CSMD1: variants seen among roughly 807,000 people sequenced by gnomAD.
CSMD1 encodes CUB and sushi domain-containing protein 1.
A neutral mutation model predicts 417.5 loss-of-function variants in CSMD1; 213 were observed. The observed-to-expected ratio is 0.51, with a 90% CI of 0.46 to 0.57. CSMD1 has a LOEUF of 0.57. Among genes scored for constraint, CSMD1 ranks in the 20% least tolerant of loss-of-function variants. CSMD1 has a pLI of 0.00. For synonymous variants in CSMD1, 2,862 were observed against 1,736.8 expected, an observed-to-expected ratio of 1.65 and a Z score of -16.11; for missense variants, 6,923 against 4,529.7, an observed-to-expected ratio of 1.53 and a Z score of -15.17.
At chr8:3,465,427 G>C (rs1268604699) in intron 12 of CSMD1, among the ~76,000 whole-genome samples, 1 of 152,140 alleles carries the variant, frequency 6.6e-6, no homozygotes, top group African/African-American at 2.4e-5. Flanking sequence ...GAGGCCACAG[G>C]TGGGTAGAGT....
chr8:4,073,377 T>C (rs1401090239), intron 3 of CSMD1, among the ~76,000 whole-genome samples: 1 of 152,132 alleles, frequency 6.6e-6, no homozygotes, highest in Admixed American at 6.6e-5. Context: ...TCGTACTTAA[T>C]GAAGCTAAAA....
intron 1 of CSMD1, among the ~76,000 whole-genome samples, chr8:4,900,475 C>T (rs1327825480): frequency 6.6e-6 from 1 of 152,190 alleles, no homozygotes; most frequent in Non-Finnish European, 1.5e-5. Flanking sequence ...TCCTACCCTT[C>T]CCCTTCACCC....
At chr8:3,029,898 G>A (rs1810227393) in intron 50 of CSMD1, among the ~76,000 whole-genome samples, 1 of 152,018 alleles carries the variant, frequency 6.6e-6, no homozygotes, top group Admixed American at 6.6e-5. Flanking sequence ...AATAGTAATT[G>A]TGTAATTGCA....
chr8:4,286,711 T>C lies in CSMD1; in HGVS notation c.415+133242A>G, dbSNP rs73500656. Among the ~76,000 whole-genome samples the C allele has an allele frequency of 2.5e-3, 374 of 152,330 alleles. 2 individuals carry two copies. Among genetic ancestry groups the C allele is most frequent in the African/African-American group, 8.7e-3 (362 of 41,578 alleles). ...AGTGGAAATCAAACAAGAGAATGTA[T>C]GCAGCTCACACGGTAGACTCCCCAG... On this transcript the variant is annotated intron_variant, in intron 3 of 69. Coordinates refer to ENST00000635120, the MANE Select transcript of CSMD1 (RefSeq NM_033225.6).
intron 4 of CSMD1, among the ~76,000 whole-genome samples, chr8:4,031,392 G>C (rs1042220772): frequency 2.6e-5 from 4 of 152,202 alleles, no homozygotes; most frequent in Admixed American, 2.0e-4. Context: ...GGCAAAGAGA[G>C]AGCTTGTGCA....
chr8:4,451,297 T>TG (rs1799131614), intron 2 of CSMD1, among the ~76,000 whole-genome samples: 2 of 152,022 alleles, frequency 1.3e-5, no homozygotes, highest in South Asian at 4.1e-4. Flanking sequence ...CATGACTCCA[T>TG]CAATCAACCA....
chr8:4,108,704 CT>C (rs1801698924), intron 3 of CSMD1, among the ~76,000 whole-genome samples: 1 of 151,534 alleles, frequency 6.6e-6, no homozygotes, highest in South Asian at 2.1e-4. Context: ...GCAGACAATA[CT>C]TAAAATAAAC....
chr8:3,620,041 G>A (rs1418750017), intron 7 of CSMD1, among the ~76,000 whole-genome samples: 1 of 152,136 alleles, frequency 6.6e-6, no homozygotes, highest in African/African-American at 2.4e-5. Flanking sequence ...GGCAGATGTT[G>A]CAGTGAGCTG....
chr8:4,722,814 C>A (rs1190642554), intron 1 of CSMD1, among the ~76,000 whole-genome samples: 1 of 152,256 alleles, frequency 6.6e-6, no homozygotes, highest in East Asian at 1.9e-4. Flanking sequence ...TCTTCTACCT[C>A]TTAACAAAGT....
chr8:4,875,383 G>A (rs1802983751), intron 1 of CSMD1, among the ~76,000 whole-genome samples: 2 of 152,104 alleles, frequency 1.3e-5, no homozygotes, highest in Middle Eastern at 6.8e-3. Context: ...CTTCTATCAA[G>A]CCTTTATTTC....
At chr8:4,426,429 A>T (rs950715691) in intron 2 of CSMD1, among the ~76,000 whole-genome samples, 4 of 148,862 alleles carry the variant, frequency 2.7e-5, no homozygotes, top group Admixed American at 1.3e-4. Flanking sequence ...TATCATAAAC[A>T]TATACTATAT....
chr8:3,450,348 A>C (rs892619342), intron 12 of CSMD1, among the ~76,000 whole-genome samples: 1 of 151,702 alleles, frequency 6.6e-6, no homozygotes, highest in Non-Finnish European at 1.5e-5. Context: ...TTTAGGGTAC[A>C]TGTTCACAAC....
chr8:4,801,701 C>G lies in CSMD1; in HGVS notation c.86-164143G>C, dbSNP rs1054189047. On this transcript the variant is annotated intron_variant, in intron 1 of 69. Coordinates refer to ENST00000635120, the MANE Select transcript of CSMD1 (RefSeq NM_033225.6). ...TGGAGCCCTGTCCTTCTACACAAGG[C>G]AGCCTAAACTACCCACCACCCCACA... Among the ~76,000 whole-genome samples the G allele has an allele frequency of 2.0e-5, 3 of 152,018 alleles. No individual in the cohort carries two copies. The South Asian group carries it at 6.2e-4, about 32-fold the overall frequency.
rs964181698 is a variant in CSMD1, at chr8:3,817,115, T to C, written c.819-63073A>G. 2.6e-5 allele frequency among the ~76,000 whole-genome samples: 4 copies of C among 151,962 alleles called. No homozygotes were observed. In the East Asian group the frequency reaches 5.8e-4, roughly 22 times the overall value. On this transcript the variant is annotated intron_variant, in intron 5 of 69. Coordinates refer to ENST00000635120, the MANE Select transcript of CSMD1 (RefSeq NM_033225.6). ...CTGGGAAAGAGAAATGAAGATCTTATAGAGAGAGCTCTTCATGATGAAGGG... is the reference window on the plus strand; with the variant it reads ...CTGGGAAAGAGAAATGAAGATCTTACAGAGAGAGCTCTTCATGATGAAGGG...
intron 1 of CSMD1, among the ~76,000 whole-genome samples, chr8:4,872,576 T>C (rs1802798921): frequency 6.6e-6 from 1 of 152,040 alleles, no homozygotes. Context: ...TGTGAGTCAA[T>C]TAAAACACTT....
chr8:4,721,197 CT>C (rs1296366125), intron 1 of CSMD1, among the ~76,000 whole-genome samples: 1 of 152,160 alleles, frequency 6.6e-6, no homozygotes, highest in Non-Finnish European at 1.5e-5. Context: ...TACTTTGTCC[CT>C]ATCCATGTAA....
intron 26 of CSMD1, among the ~76,000 whole-genome samples, chr8:3,255,360 G>C (rs1291081993): frequency 1.3e-5 from 2 of 152,170 alleles, no homozygotes; most frequent in Non-Finnish European, 2.9e-5. Flanking sequence ...CAGATCTCAA[G>C]CTGTGTGCTG....
chr8:4,310,984 A>T (rs1047902904), intron 3 of CSMD1, among the ~76,000 whole-genome samples: 1 of 152,248 alleles, frequency 6.6e-6, no homozygotes, highest in Non-Finnish European at 1.5e-5. Flanking sequence ...ATGGCTACTG[A>T]AAAGTACAAA....
chr8:4,158,465 C>G (rs749824898), intron 3 of CSMD1, among the ~76,000 whole-genome samples: 1 of 152,116 alleles, frequency 6.6e-6, no homozygotes, highest in Non-Finnish European at 1.5e-5. Context: ...AATACTAATA[C>G]AGCCGCTAGT....
Sources: allele counts gnomAD v4.1 joint callset (sites outside exome capture counted in the v4.1 genomes callset), GRCh38; gene constraint gnomAD v4.1.1; transcripts MANE v1.5; gene names NCBI Gene and HGNC (gene_info 2026-07-23, HGNC 2026-07-21).